ADAM12: variants seen among roughly 807,000 people sequenced by gnomAD.
ADAM12 encodes disintegrin and metalloproteinase domain-containing protein 12.
In ADAM12, 70 loss-of-function variants were observed where a neutral mutation model predicts 106.4. That is an observed-to-expected ratio of 0.66 (90% CI 0.54 to 0.80). The LOEUF (loss-of-function observed/expected upper bound fraction) is 0.80, where lower values mean the gene tolerates loss of function less well. ADAM12 is among the 30% of genes least tolerant of loss of function. The pLI is 0.00. For synonymous variants in ADAM12, 420 were observed against 433.5 expected (o/e 0.97, Z 0.39); for missense variants, 1,010 against 1,171.9 (o/e 0.86, Z 2.02).
At chr10:126,154,190 C>T (rs939877490) in intron 4 of ADAM12, among the ~76,000 whole-genome samples, 2 of 152,204 alleles carry the variant, frequency 1.3e-5, no homozygotes, top group East Asian at 1.9e-4. Flanking sequence ...CTTTGGGGAG[C>T]CCCAACTCAC....
At chr10:126,287,907 C>T (rs1355501898) in intron 2 of ADAM12, among the ~76,000 whole-genome samples, 2 of 152,036 alleles carry the variant, frequency 1.3e-5, no homozygotes, top group East Asian at 1.9e-4. Flanking sequence ...AAGAATTTGT[C>T]AGCGTGCTCC....
At chr10:126,152,227 A>G (rs2133715413) in intron 4 of ADAM12, among the ~76,000 whole-genome samples, 1 of 152,110 alleles carries the variant, frequency 6.6e-6, no homozygotes, top group Non-Finnish European at 1.5e-5. Context: ...CTTTTTTGGT[A>G]ACCTTCTAGG....
chr10:126,323,376 G>C lies in ADAM12; in HGVS notation c.186+7036C>G, dbSNP rs532633243. ...CTCTTGGCACAGAGCTACACTTGGG[G>C]CGGTGTCCCAGGTAAGATACCACAT... On this transcript the variant is annotated intron_variant, in intron 2 of 22. Transcript: ENST00000448723. Among the ~76,000 whole-genome samples the C allele has an allele frequency of 3.3e-5, 5 of 152,322 alleles. No individual in the cohort carries two copies. The East Asian group carries it at 9.6e-4, about 29-fold the overall frequency.
chr10:126,239,621 GA>G (rs199609137), intron 3 of ADAM12, among the ~76,000 whole-genome samples: 1 of 151,054 alleles, frequency 6.6e-6, no homozygotes, highest in African/African-American at 2.4e-5. Flanking sequence ...TCCTCCAAGA[GA>G]AAAAAAAATC....
intron 9 of ADAM12, among the ~76,000 whole-genome samples, chr10:126,100,437 C>T (rs1024163771): frequency 6.6e-6 from 1 of 151,802 alleles, no homozygotes; most frequent in Non-Finnish European, 1.5e-5. Context: ...GGCGCGGTGG[C>T]TCATGCCTGT....
At chr10:126,040,470 A>G (rs1954140696) in intron 18 of ADAM12, among the ~76,000 whole-genome samples, 1 of 152,298 alleles carries the variant, frequency 6.6e-6, no homozygotes, top group Non-Finnish European at 1.5e-5. Context: ...CTCCAGGGAA[A>G]GAATGTCTTT....
Position 126,242,164 on chromosome 10 carries a change from G to A in ADAM12, c.260+36751C>T, listed in dbSNP as rs115754040. 2.1e-3 allele frequency among the ~76,000 whole-genome samples: 312 copies of A among 152,108 alleles called. 3 individuals are homozygous for A. Among genetic ancestry groups the A allele is most frequent in the African/African-American group, 7.3e-3 (304 of 41,508 alleles). On this transcript the variant is annotated intron_variant, in intron 3 of 22. Transcript: ENST00000448723. ...CCATTGTTCCATATTATATGTTCAGGGGTGATTTATCTTCATTTGTGATTG... is the reference window on the plus strand; with the variant it reads ...CCATTGTTCCATATTATATGTTCAGAGGTGATTTATCTTCATTTGTGATTG...
chr10:126,332,801 GCA>G lies in ADAM12; in HGVS notation c.89-2294_89-2293del, dbSNP rs1364273928. On this transcript the variant is annotated intron_variant, in intron 1 of 22. Coordinates refer to ENST00000448723, the MANE Select transcript of ADAM12 (RefSeq NM_001288973.2). ...AGGGACGCATCGGCCGGTTTCAACG[GCA>G]CTGTTCTCGAAGCTTTGCCAAGACC... is the stretch of plus-strand genomic sequence containing the variant. Among the ~76,000 whole-genome samples, 6 of 152,348 alleles carry G rather than the reference GCA, an allele frequency of 3.9e-5. No homozygotes were observed. The East Asian group carries it at 1.2e-3, about 29-fold the overall frequency.
rs1444282746 is a variant in ADAM12 at position 126,066,933 on chromosome 10, C to T, written c.1324-127G>A. 2.4e-6 allele frequency: 2 copies of T among 836,686 alleles called. No individual in the cohort carries two copies. The highest frequency in any genetic ancestry group is 5.4e-5 in the East Asian group (2 of 36,912). 51.8% of individuals were successfully genotyped at this position (836,686 alleles called of 1,614,324 possible). ...AAGAGGGCCCAGCTCCTGAACTGCA[C>T]ACCTGCCTGTTTCCGTCTGTTAGGA... On this transcript the variant is annotated intron_variant, in intron 12 of 22. Transcript: ENST00000448723. The surrounding 1 kb of genome is among the most constrained non-coding windows in gnomAD (Gnocchi z 5.1).
At chr10:126,277,443 A>T (rs1405961316) in intron 3 of ADAM12, among the ~76,000 whole-genome samples, 1 of 152,136 alleles carries the variant, frequency 6.6e-6, no homozygotes, top group African/African-American at 2.4e-5. Context: ...CCACCACAAC[A>T]ACCCCATCGA....
chr10:126,244,261 C>T (rs1958586001), intron 3 of ADAM12, among the ~76,000 whole-genome samples: 1 of 152,196 alleles, frequency 6.6e-6, no homozygotes, highest in African/African-American at 2.4e-5. Context: ...TCATACAGAA[C>T]TCTGAGAGAT....
chr10:126,064,548 T>C lies in ADAM12; in HGVS notation c.1609+258A>G. On this transcript the variant is annotated intron_variant, in intron 14 of 22. Coordinates refer to ENST00000448723, the MANE Select transcript of ADAM12 (RefSeq NM_001288973.2). The surrounding 1 kb of genome is among the most constrained non-coding windows in gnomAD (Gnocchi z 4.4). ...TGTATCCCCCGGGGCGCACAGTAGG[T>C]GCTCCTGCAGCTCCTGTTGGACCGC... The C allele has an allele frequency of 2.4e-6, 1 of 422,724 alleles. No individual in the cohort carries two copies. Among genetic ancestry groups the C allele is most frequent in the East Asian group, 4.0e-5 (1 of 24,882 alleles). 26.2% of individuals were successfully genotyped at this position (422,724 alleles called of 1,614,324 possible).
intron 3 of ADAM12, among the ~76,000 whole-genome samples, chr10:126,163,112 A>G (rs1452974643): frequency 6.6e-6 from 1 of 152,178 alleles, no homozygotes; most frequent in Non-Finnish European, 1.5e-5. Context: ...AGGCTTCCCC[A>G]GAAGCTGAGC....
intron 21 of ADAM12, among the ~76,000 whole-genome samples, chr10:126,034,504 A>C (rs1954023936): frequency 6.6e-6 from 1 of 152,216 alleles, no homozygotes; most frequent in Non-Finnish European, 1.5e-5. Context: ...AAAAAGCACA[A>C]TGAAACAAAA....
chr10:126,181,543 C>A (rs1360483763), intron 3 of ADAM12, among the ~76,000 whole-genome samples: 1 of 152,162 alleles, frequency 6.6e-6, no homozygotes, highest in African/African-American at 2.4e-5. Flanking sequence ...TCCACCCACC[C>A]AGCCATCCAC....
rs1954864849 is a variant in ADAM12 at position 126,066,229 on chromosome 10, G to A, written c.1413+488C>T. On this transcript the variant is annotated intron_variant, in intron 13 of 22. Transcript: ENST00000448723. This position sits in a 1 kb window ranked among gnomAD's most constrained non-coding sequence, Gnocchi z 5.1. ...GCGAGAGTATAAAACTGCCATTCTTGGCTGGGCGGGGTTGGTGGCAACTTC... is the reference window on the plus strand; with the variant it reads ...GCGAGAGTATAAAACTGCCATTCTTAGCTGGGCGGGGTTGGTGGCAACTTC... Among the ~76,000 whole-genome samples the A allele has an allele frequency of 6.6e-6, 1 of 152,308 alleles. No individual in the cohort carries two copies. The highest frequency in any genetic ancestry group is 3.4e-3 in the Middle Eastern group (1 of 294).
intron 3 of ADAM12, among the ~76,000 whole-genome samples, chr10:126,188,666 A>T (rs544977145): frequency 3.0e-4 from 46 of 152,288 alleles, no homozygotes; most frequent in Non-Finnish European, 5.6e-4. Flanking sequence ...TGATCCCATG[A>T]CATATCTTTG....
At chr10:126,129,065 C>T (rs560754156) in intron 5 of ADAM12, among the ~76,000 whole-genome samples, 10 of 152,360 alleles carry the variant, frequency 6.6e-5, no homozygotes, top group Admixed American at 4.6e-4. Context: ...ACGATCTGAT[C>T]GAGATACCAC....
intron 2 of ADAM12, among the ~76,000 whole-genome samples, chr10:126,296,704 C>A (rs540550684): frequency 6.6e-6 from 1 of 152,312 alleles, no homozygotes; most frequent in South Asian, 2.1e-4. Context: ...ATTTCTGTAC[C>A]TTCAAGGTCT....
Sources: allele counts gnomAD v4.1 joint callset (sites outside exome capture counted in the v4.1 genomes callset), GRCh38; gene constraint gnomAD v4.1.1; non-coding constraint Gnocchi (gnomAD v3.1); transcripts MANE v1.5; gene names NCBI Gene and HGNC (gene_info 2026-07-23, HGNC 2026-07-21).